The following EPB41L3 variants were observed in gnomAD, a reference collection of about 807,000 sequenced individuals.
The protein encoded by EPB41L3 is band 4.1-like protein 3.
EPB41L3 carries 57 observed loss-of-function variants against 127.1 expected under a neutral mutation model. That is an observed-to-expected ratio of 0.45 (90% CI 0.36 to 0.56). The LOEUF (loss-of-function observed/expected upper bound fraction) is 0.56. Among genes scored for constraint, EPB41L3 ranks in the 20% least tolerant of loss-of-function variants. EPB41L3 has a pLI of 0.00. For missense variants in EPB41L3, 1,273 were observed against 1,372.2 expected, an observed-to-expected ratio of 0.93 and a Z score of 1.14; for synonymous variants, 572 against 549.5, an observed-to-expected ratio of 1.04 and a Z score of -0.57.
At chr18:5,559,412 A>G (rs910178591) in intron 3 of EPB41L3, among the ~76,000 whole-genome samples, 4 of 152,190 alleles carry the variant, frequency 2.6e-5, no homozygotes, top group African/African-American at 9.7e-5. Flanking sequence ...GGAGCTGTGA[A>G]CACCCAGCTA....
chr18:5,517,599 C>T (rs1353322046), intron 1 of EPB41L3, among the ~76,000 whole-genome samples: 1 of 152,028 alleles, frequency 6.6e-6, no homozygotes, highest in Non-Finnish European at 1.5e-5. Context: ...GTGCACCTGG[C>T]TAACCTTTTT....
intron 3 of EPB41L3, among the ~76,000 whole-genome samples, chr18:5,462,049 G>T (rs145306850): frequency 8.6e-4 from 131 of 152,260 alleles, no homozygotes; most frequent in Non-Finnish European, 1.5e-3. Flanking sequence ...AAAAATGCTG[G>T]AGGCTACACT....
chr18:5,597,426 G>A (rs938696694), intron 3 of EPB41L3, among the ~76,000 whole-genome samples: 7 of 152,192 alleles, frequency 4.6e-5, no homozygotes, highest in Admixed American at 3.9e-4. Context: ...GTATTCATCC[G>A]AAAATTCTGA....
chr18:5,453,080 C>T (rs1416176673), intron 3 of EPB41L3, among the ~76,000 whole-genome samples: 4 of 152,172 alleles, frequency 2.6e-5, no homozygotes, highest in African/African-American at 9.7e-5. Context: ...TATAAATCAT[C>T]TCTTAGTCTG....
intron 3 of EPB41L3, chr18:5,566,988 T>C (rs1322274094): frequency 2.0e-5 from 3 of 152,046 alleles, no homozygotes; most frequent in Admixed American, 2.0e-4. Context: ...GCATTTTTAG[T>C]AGACACAGGG....
chr18:5,580,905 G>C (rs1271148045), intron 3 of EPB41L3, among the ~76,000 whole-genome samples: 1 of 152,162 alleles, frequency 6.6e-6, no homozygotes, highest in Admixed American at 6.5e-5. Flanking sequence ...ACTCACACCA[G>C]CATTTGTGTT....
At chr18:5,468,107 G>A (rs1416483686) in intron 3 of EPB41L3, among the ~76,000 whole-genome samples, 2 of 152,198 alleles carry the variant, frequency 1.3e-5, no homozygotes, top group Admixed American at 6.5e-5. Flanking sequence ...TTGAGGTGGT[G>A]CTGACACTCA....
At position 5,404,816 on chromosome 18, in the gene EPB41L3, C is replaced by G. The variant is rs536491252; in HGVS notation, c.2349+1961G>C. On this transcript the variant is annotated intron_variant, in intron 16 of 22. Coordinates refer to ENST00000341928, the MANE Select transcript of EPB41L3 (RefSeq NM_012307.5). ...GTGTTTTTGTAACTTAATCCAGTAT[C>G]TGATATCTTTAGAGCCAGTAAATTA... Among the ~76,000 whole-genome samples the G allele has an allele frequency of 4.6e-5, 7 of 152,250 alleles. No individual in the cohort carries two copies. In the South Asian group the frequency reaches 1.4e-3, roughly 32 times the overall value.
intron 3 of EPB41L3, among the ~76,000 whole-genome samples, chr18:5,561,229 G>C (rs1010950781): frequency 6.6e-6 from 1 of 151,984 alleles, no homozygotes; most frequent in South Asian, 2.1e-4. Context: ...CGCCCGCCTC[G>C]GCCTCCCAAA....
At chr18:5,509,277 G>A (rs1300761409) in intron 1 of EPB41L3, among the ~76,000 whole-genome samples, 1 of 152,168 alleles carries the variant, frequency 6.6e-6, no homozygotes, top group East Asian at 1.9e-4. Flanking sequence ...TCTCAACCTT[G>A]GAGGTGAGTA....
chr18:5,532,442 T>G (rs887670862), intron 1 of EPB41L3, among the ~76,000 whole-genome samples: 1 of 152,220 alleles, frequency 6.6e-6, no homozygotes, highest in African/African-American at 2.4e-5. Context: ...GAGTCACATT[T>G]TGGCACATGC....
Position 5,543,811 on chromosome 18 carries a change from C to T in EPB41L3, c.-12+102G>A. 1.1e-6 allele frequency: 1 copy of T among 902,260 alleles called. No individual in the cohort carries two copies. The highest frequency in any genetic ancestry group is 1.3e-6 in the Non-Finnish European group (1 of 754,452). The allele number at this position is 902,260 out of a possible 1,614,324, so 55.9% of individuals were successfully genotyped here. On this transcript the variant is annotated intron_variant, in intron 1 of 22. Coordinates refer to ENST00000341928, the MANE Select transcript of EPB41L3 (RefSeq NM_012307.5). The surrounding 1 kb of genome is among the most constrained non-coding windows in gnomAD (Gnocchi z 5.2). ...CGGCGCCGAAGCCACGCGTCAGCCC[C>T]ACTGTCCCGCGCGCCTCGCCCCAGG...
intron 21 of EPB41L3, 30 bp downstream of exon 21, chr18:5,395,037 C>A: frequency 6.2e-7 from 1 of 1,603,554 alleles, no homozygotes. Flanking sequence ...TGTTTCTCTG[C>A]CAGGGTATTT....
At chr18:5,451,030 G>A (rs12458297) in intron 3 of EPB41L3, among the ~76,000 whole-genome samples, 5,736 of 152,098 alleles carry the variant, frequency 0.038, 289 homozygotes, top group East Asian at 0.25. Flanking sequence ...GATGACCATT[G>A]CCCTGTATCA....
chr18:5,412,051 T>A (rs8097641), intron 13 of EPB41L3, among the ~76,000 whole-genome samples: 2 of 152,060 alleles, frequency 1.3e-5, no homozygotes, highest in African/African-American at 4.8e-5. Flanking sequence ...ATAAAGGTGA[T>A]TGTTGTTATG....
chr18:5,489,239 C>T, intron 1 of EPB41L3, 45 bp from the exon 2 acceptor site: 1 of 1,551,230 alleles, frequency 6.4e-7, no homozygotes, highest in Non-Finnish European at 8.6e-7. Context: ...CGTGCCACTA[C>T]CTTCCCTCTG....
chr18:5,496,045 T>C (rs934762240), intron 1 of EPB41L3, among the ~76,000 whole-genome samples: 1 of 152,182 alleles, frequency 6.6e-6, no homozygotes, highest in Non-Finnish European at 1.5e-5. Flanking sequence ...TTTGAGTCTA[T>C]AAAGGTTTTA....
intron 3 of EPB41L3, among the ~76,000 whole-genome samples, chr18:5,597,076 A>G (rs1213624207): frequency 2.6e-5 from 4 of 152,170 alleles, no homozygotes; most frequent in Non-Finnish European, 5.9e-5. Context: ...AGGAAAAGGA[A>G]GAAAAGGAAT....
chr18:5,542,303 T>C (rs2093753615), intron 1 of EPB41L3, among the ~76,000 whole-genome samples: 1 of 152,196 alleles, frequency 6.6e-6, no homozygotes, highest in African/African-American at 2.4e-5. Flanking sequence ...TAAGCAGAAT[T>C]TTATCATTTT....
Sources: allele counts gnomAD v4.1 joint callset (sites outside exome capture counted in the v4.1 genomes callset), GRCh38; gene constraint gnomAD v4.1.1; non-coding constraint Gnocchi (gnomAD v3.1); transcripts MANE v1.5; gene names NCBI Gene and HGNC (gene_info 2026-07-23, HGNC 2026-07-21).